MYLK4: variants seen among roughly 807,000 people sequenced by gnomAD.
MYLK4 encodes the protein myosin light chain kinase family member 4.
MYLK4 carries 46 observed loss-of-function variants against 48.1 expected under a neutral mutation model. The ratio of observed to expected loss-of-function variants is 0.96; its 90% CI spans 0.75 to 1.22. The LOEUF (loss-of-function observed/expected upper bound fraction) is 1.22, where lower values mean the gene tolerates loss of function less well. Among genes scored for constraint, MYLK4 ranks in the 50% most tolerant of loss-of-function variants. MYLK4 has a pLI of 0.00. For synonymous variants in MYLK4, 170 were observed against 180.8 expected (o/e 0.94, Z 0.48); for missense variants, 451 against 486.1 (o/e 0.93, Z 0.68).
At chr6:2,701,445 G>A (rs1456660310) in intron 2 of MYLK4, among the ~76,000 whole-genome samples, 2 of 152,058 alleles carry the variant, frequency 1.3e-5, no homozygotes, top group South Asian at 2.1e-4. Context: ...GGAATATTTA[G>A]AGATCTGCGC....
chr6:2,689,780 T>C (rs1278679763), intron 3 of MYLK4, among the ~76,000 whole-genome samples: 3 of 152,236 alleles, frequency 2.0e-5, no homozygotes, highest in Non-Finnish European at 4.4e-5. Context: ...GGTAAGTAAA[T>C]AACAGCTTTG....
chr6:2,722,603 A>G (rs1266783740), intron 2 of MYLK4, among the ~76,000 whole-genome samples: 1 of 151,492 alleles, frequency 6.6e-6, no homozygotes, highest in Non-Finnish European at 1.5e-5. Context: ...TTCTCTCTAC[A>G]GAAGTCAATT....
chr6:2,760,644 A>C, the MYLK4 span, among the ~76,000 whole-genome samples: 1 of 152,056 alleles, frequency 6.6e-6, no homozygotes, highest in Admixed American at 6.6e-5. Context: ...GGCTGTATAT[A>C]CTCCTTTTTA....
At chr6:2,725,191 C>T (rs1763212142) in intron 2 of MYLK4, among the ~76,000 whole-genome samples, 1 of 152,134 alleles carries the variant, frequency 6.6e-6, no homozygotes, top group African/African-American at 2.4e-5. Context: ...AGCATGGTGG[C>T]TCATGCCTAT....
At chr6:2,698,166 T>C (rs530295220) in intron 2 of MYLK4, among the ~76,000 whole-genome samples, 3 of 152,332 alleles carry the variant, frequency 2.0e-5, no homozygotes, top group Admixed American at 2.0e-4. Context: ...ACAGGCCAGA[T>C]AGAAGAATGG....
chr6:2,680,331 A>C, intron 7 of MYLK4, 40 bp from the exon 8 acceptor site: 1 of 1,612,484 alleles, frequency 6.2e-7, no homozygotes, highest in Non-Finnish European at 8.5e-7. Context: ...GAAAACAACC[A>C]TCATTCACTC....
At position 2,673,806 on chromosome 6, in the gene MYLK4, G is replaced by T. The variant is rs552448864; in HGVS notation, c.1119+1241C>A. The stretch of plus-strand genomic sequence containing the variant: ...AGGAGGCTGCAGTCACTCAGGGGAG[G>T]CATGTCCCAGGCCACGGTCACCATG... On this transcript the variant is annotated intron_variant, in intron 11 of 12. Transcript: ENST00000274643. This position sits in a 1 kb window ranked among gnomAD's most constrained non-coding sequence, Gnocchi z 4.2. Among the ~76,000 whole-genome samples the T allele has an allele frequency of 1.3e-5, 2 of 152,324 alleles. No individual in the cohort carries two copies. Among genetic ancestry groups the T allele is most frequent in the South Asian group, 2.1e-4 (1 of 4,826 alleles).
At chr6:2,762,679 C>T in the MYLK4 span, among the ~76,000 whole-genome samples, 2 of 152,242 alleles carry the variant, frequency 1.3e-5, no homozygotes, top group African/African-American at 4.8e-5. Flanking sequence ...CTCTCATTAA[C>T]TTGATGAATA....
In MYLK4 at chr6:2,666,835, C is replaced by T. The variant is rs1250809217; in HGVS notation, c.*1090G>A. ...GAACCTTCCAACTGGAACGTTCCAA[C>T]ATTCTCACGTCCAGCAGGTGAGCTT... On this transcript the variant is annotated 3_prime_UTR_variant, in exon 13 of 13. Coordinates refer to ENST00000274643, the MANE Select transcript of MYLK4 (RefSeq NM_001012418.5). 6.6e-6 allele frequency: 1 copy of T among 152,272 alleles called. No homozygotes were observed. Among genetic ancestry groups the T allele is most frequent in the African/African-American group, 2.4e-5 (1 of 41,456 alleles). The allele number at this position is 152,272 out of a possible 1,614,324, so 9.4% of individuals were successfully genotyped here.
Position 2,678,222 on chromosome 6 carries a change from C to A in MYLK4, c.1038G>T (p.Lys346Asn). 1 of 1,613,958 alleles carries A rather than the reference C, an allele frequency of 6.2e-7. No homozygotes were observed. Among genetic ancestry groups the A allele is most frequent in the Non-Finnish European group, 8.5e-7 (1 of 1,179,944 alleles). The stretch of plus-strand genomic sequence containing the variant: ...AGCACAGGACGAACTTGCGTTACCT[C>A]TTCTCCTTAATCAGAAGCTTAGAGA... Reference protein sequence around the residue: ...EFISKLLIKEKSWRISASEAL... With the variant: ...EFISKLLIKENSWRISASEAL... Residue 346 changes from lysine (K) to asparagine (N), a missense_variant and splice_region_variant, in exon 10 of 13, where the codon AAG becomes AAT. Transcript: ENST00000274643.
rs1760556757 is a variant in MYLK4, at chr6:2,664,269, A to G, written c.*3656T>C. On this transcript the variant is annotated 3_prime_UTR_variant, in exon 13 of 13. Transcript: ENST00000274643. ...AAAAAAATGTAAAAGAGAGTGCAAA[A>G]GCAAAGGCGAAGCTTTGTGGATATT... 1 of 152,256 alleles carries G rather than the reference A, an allele frequency of 6.6e-6. No homozygotes were observed. 9.4% of individuals were successfully genotyped at this position (152,256 alleles called of 1,614,324 possible). A position where few individuals can be genotyped will look rare whatever the true frequency, so the allele number is the denominator to read the frequency against.
chr6:2,690,686 G>A (rs1761748067), intron 3 of MYLK4, among the ~76,000 whole-genome samples: 1 of 151,770 alleles, frequency 6.6e-6, no homozygotes, highest in African/African-American at 2.4e-5. Context: ...GTGACCCCAA[G>A]TTATTCCACT....
intron 2 of MYLK4, among the ~76,000 whole-genome samples, chr6:2,724,603 A>G (rs7765432): frequency 0.31 from 47,879 of 152,102 alleles, 7,792 homozygotes; most frequent in African/African-American, 0.38. Flanking sequence ...GACTTTTATG[A>G]TCAGTTGCTA....
intron 2 of MYLK4, among the ~76,000 whole-genome samples, chr6:2,745,669 A>G (rs1278788884): frequency 6.6e-6 from 1 of 152,220 alleles, no homozygotes; most frequent in Non-Finnish European, 1.5e-5. Flanking sequence ...TCATGCCTGT[A>G]ATTCCAGCAC....
chr6:2,687,995 C>G (rs1761621844), intron 4 of MYLK4, among the ~76,000 whole-genome samples: 2 of 152,162 alleles, frequency 1.3e-5, no homozygotes, highest in Non-Finnish European at 2.9e-5. Context: ...CACCCTCTCC[C>G]CACCCCCAGC....
rs374591890 is a variant in MYLK4, at chr6:2,688,907, G to A, written c.285C>T (p.Ala95=). 1.9e-6 allele frequency: 3 copies of A among 1,614,090 alleles called. No individual in the cohort carries two copies. The African/African-American group carries it at 4.0e-5, about 22-fold the overall frequency. Residue 95 remains alanine (A), a synonymous_variant, in exon 4 of 13, where the codon GCC becomes GCT. Transcript: ENST00000274643. ...PAPFDHRIVT[A]KQGAVNSFYT... Reference sequence around the variant, plus strand: ...AGAAGCTGTTGACCGCTCCTTGCTTGGCTGTCACAATACGATGATCAAATG... The same window carrying A: ...AGAAGCTGTTGACCGCTCCTTGCTTAGCTGTCACAATACGATGATCAAATG...
chr6:2,675,141 G>C lies in MYLK4; in HGVS notation c.1041-16C>G. On this transcript the variant is annotated splice_polypyrimidine_tract_variant and intron_variant, in intron 10 of 12. Coordinates refer to ENST00000274643, the MANE Select transcript of MYLK4 (RefSeq NM_001012418.5). Reference sequence around the variant, plus strand: ...TATTCGCCAACTAGAAGGAAATTCAGAAGGTGATTAGTAGAAACACACCGA... The same window carrying C: ...TATTCGCCAACTAGAAGGAAATTCACAAGGTGATTAGTAGAAACACACCGA... 6.2e-7 allele frequency: 1 copy of C among 1,602,666 alleles called. No individual in the cohort carries two copies. The highest frequency in any genetic ancestry group is 8.5e-7 in the Non-Finnish European group (1 of 1,169,750).
Position 2,688,964 on chromosome 6 carries a change from G to C in MYLK4, c.236-8C>G, listed in dbSNP as rs1280309026. 6.2e-7 allele frequency: 1 copy of C among 1,613,350 alleles called. No individual in the cohort carries two copies. The highest frequency in any genetic ancestry group is 8.5e-7 in the Non-Finnish European group (1 of 1,179,252). On this transcript the variant is annotated splice_region_variant and splice_polypyrimidine_tract_variant and intron_variant, in intron 3 of 12. Coordinates refer to ENST00000274643, the MANE Select transcript of MYLK4 (RefSeq NM_001012418.5). ...GAGGAGCCGGGATGTCAACTAGAAG[G>C]TGAGAGAAACAGAAGGGCAATCTGT...
At chr6:2,715,256 G>C (rs1385246914) in intron 2 of MYLK4, among the ~76,000 whole-genome samples, 1 of 26,068 alleles carries the variant, frequency 3.8e-5, no homozygotes, top group South Asian at 2.7e-3. Flanking sequence ...GCAAGACTCC[G>C]TTTCAAAAAA....
Sources: allele counts gnomAD v4.1 joint callset (sites outside exome capture counted in the v4.1 genomes callset), GRCh38; gene constraint gnomAD v4.1.1; non-coding constraint Gnocchi (gnomAD v3.1); transcripts MANE v1.5; gene names NCBI Gene and HGNC (gene_info 2026-07-23, HGNC 2026-07-21).